The following TCF20 variants were observed in gnomAD, a reference collection of about 807,000 sequenced individuals.
TCF20 encodes SPRE-binding protein.
Under a neutral mutation model 148.6 loss-of-function variants are expected in TCF20, and 3 were observed. The observed-to-expected ratio is 0.02, with a 90% confidence interval of 0.01 to 0.05. The LOEUF (loss-of-function observed/expected upper bound fraction) is 0.05, where lower values mean the gene tolerates loss of function less well. Among genes scored for constraint, TCF20 ranks in the 10% least tolerant of loss-of-function variants. The pLI, the probability that TCF20 is intolerant of heterozygous loss-of-function variation, is 1.00. For missense variants in TCF20, 2,350 were observed against 2,429.3 expected, an observed-to-expected ratio of 0.97 and a Z score of 0.69; for synonymous variants, 1,049 against 909.5, an observed-to-expected ratio of 1.15 and a Z score of -2.76.
rs374678891 is a variant in TCF20, at chr22:42,241,813, GA to G, written c.-36-26473del. Among the ~76,000 whole-genome samples the G allele has an allele frequency of 2.6e-3, 400 of 152,140 alleles. 2 individuals are homozygous for G. The highest frequency in any genetic ancestry group is 9.1e-3 in the African/African-American group (376 of 41,494). On this transcript the variant is annotated intron_variant, in intron 1 of 5. Transcript: ENST00000677622. ...CACTGCACTGCACCCCAGCCTGGGC[GA>G]AAGAGTGAGACTCTTGTCTCAAAAA...
At chr22:42,224,880 C>A (rs888676082) in intron 1 of TCF20, among the ~76,000 whole-genome samples, 5 of 151,984 alleles carry the variant, frequency 3.3e-5, no homozygotes, top group Non-Finnish European at 7.4e-5. Context: ...TAGTCCCAGG[C>A]CAAAGGGAAT....
intron 2 of TCF20, among the ~76,000 whole-genome samples, chr22:42,191,900 G>C (rs1193206584): frequency 6.6e-6 from 1 of 152,224 alleles, no homozygotes; most frequent in East Asian, 1.9e-4. Flanking sequence ...GATGAAGAAA[G>C]AGAAGAGCTT....
chr22:42,201,560 G>C (rs928986614), intron 2 of TCF20, among the ~76,000 whole-genome samples: 5 of 152,146 alleles, frequency 3.3e-5, no homozygotes, highest in African/African-American at 1.2e-4. Flanking sequence ...TTGAGGTCAG[G>C]AGTTCGAGAT....
chr22:42,212,828 G>A lies in TCF20; in HGVS notation c.2478C>T (p.Ser826=). The A allele has an allele frequency of 6.2e-7, 1 of 1,614,210 alleles. No individual in the cohort carries two copies. The highest frequency in any genetic ancestry group is 8.5e-7 in the Non-Finnish European group (1 of 1,180,034). The change falls in exon 2 of 6, where the codon AGC becomes AGT. Residue 826 remains serine (S), a synonymous_variant. Transcript: ENST00000677622. ...TGATCTGTTTCATTTCAGGAGCTGTGCTGCTTGATTTCCTTTCCCAGGGGC... is the reference window on the plus strand; with the variant it reads ...TGATCTGTTTCATTTCAGGAGCTGTACTGCTTGATTTCCTTTCCCAGGGGC... ...HWGPWERKSS[S]TAPEMKQINL...
chr22:42,258,522 G>C (rs1198207249), intron 1 of TCF20, among the ~76,000 whole-genome samples: 1 of 152,152 alleles, frequency 6.6e-6, no homozygotes, highest in Non-Finnish European at 1.5e-5. Context: ...CTCCTCATCA[G>C]AATTTACGCA....
At chr22:42,254,766 A>G (rs765365898) in intron 1 of TCF20, among the ~76,000 whole-genome samples, 10 of 152,142 alleles carry the variant, frequency 6.6e-5, no homozygotes, top group Non-Finnish European at 1.5e-4. Flanking sequence ...GCAGATCGAG[A>G]ATATCTTCAC....
chr22:42,318,369 A>G (rs1480053109), intron 1 of TCF20, among the ~76,000 whole-genome samples: 1 of 152,204 alleles, frequency 6.6e-6, no homozygotes, highest in Non-Finnish European at 1.5e-5. Context: ...ACAGGGAACA[A>G]TTGGCTAAAA....
At chr22:42,250,438 C>A (rs1925267069) in intron 1 of TCF20, among the ~76,000 whole-genome samples, 1 of 111,736 alleles carries the variant, frequency 8.9e-6, no homozygotes, top group South Asian at 3.4e-4. Flanking sequence ...AACAGTGAAA[C>A]TCCATCTCAA....
chr22:42,242,944 G>T lies in TCF20; in HGVS notation c.-37+27395C>A, dbSNP rs570267968. ...ATGATTATTGCTAAGTGAAAGACAT[G>T]AATCTGAAGTGGCTACATGACTTTA... On this transcript the variant is annotated intron_variant, in intron 1 of 5. Coordinates refer to ENST00000677622, the MANE Select transcript of TCF20 (RefSeq NM_001378418.1). Among the ~76,000 whole-genome samples the T allele has an allele frequency of 3.3e-5, 5 of 152,064 alleles. No homozygotes were observed. The South Asian group carries it at 1.0e-3, about 32-fold the overall frequency.
At chr22:42,221,864 A>G (rs981145322) in intron 1 of TCF20, among the ~76,000 whole-genome samples, 3 of 148,574 alleles carry the variant, frequency 2.0e-5, no homozygotes, top group African/African-American at 5.0e-5. Flanking sequence ...TCAGCCTCCC[A>G]AGTAGCTGGG....
chr22:42,337,212 T>G (rs978668168), intron 1 of TCF20, among the ~76,000 whole-genome samples: 1 of 152,016 alleles, frequency 6.6e-6, no homozygotes. Flanking sequence ...CTGTCACTGA[T>G]TCCCAAACCC....
intron 1 of TCF20, among the ~76,000 whole-genome samples, chr22:42,250,898 A>G (rs1394644351): frequency 6.6e-6 from 1 of 152,244 alleles, no homozygotes; most frequent in Non-Finnish European, 1.5e-5. Flanking sequence ...GGCACATCAC[A>G]TGATGAGGAC....
intron 1 of TCF20, among the ~76,000 whole-genome samples, chr22:42,234,437 T>A (rs1923697520): frequency 6.6e-6 from 1 of 152,174 alleles, no homozygotes; most frequent in African/African-American, 2.4e-5. Context: ...TCCATATGGC[T>A]GGGGATGCAG....
Position 42,213,871 on chromosome 22 carries a change from G to C in TCF20, c.1435C>G (p.Leu479Val). The C allele has an allele frequency of 6.2e-7, 1 of 1,614,164 alleles. No individual in the cohort carries two copies. The highest frequency in any genetic ancestry group is 2.2e-5 in the East Asian group (1 of 44,888). The change falls in exon 2 of 6, where the codon CTG (leucine) becomes GTG (valine). Residue 479 changes from leucine to valine, a missense_variant. Leu to Val is a conservative substitution (Grantham distance 32). Coordinates refer to ENST00000677622, the MANE Select transcript of TCF20 (RefSeq NM_001378418.1). ...TVQHMLLSDA[L>V]TPQKKTSKRP... ...TTGGAGGTCTTCTTCTGAGGAGTCA[G>C]GGCATCAGAAAGTAACATGTGCTGG...
chr22:42,176,606 T>C (rs935524184), intron 3 of TCF20, among the ~76,000 whole-genome samples: 2 of 152,194 alleles, frequency 1.3e-5, no homozygotes, highest in African/African-American at 2.4e-5. Context: ...ACAAGCACCA[T>C]GCTACTTGCT....
chr22:42,165,848 G>A (rs919851677), intron 5 of TCF20, among the ~76,000 whole-genome samples: 1 of 152,242 alleles, frequency 6.6e-6, no homozygotes, highest in Non-Finnish European at 1.5e-5. Context: ...GAAGTACAGA[G>A]ACATGGAGTA....
intron 5 of TCF20, among the ~76,000 whole-genome samples, chr22:42,165,575 C>A (rs563714480): frequency 6.6e-6 from 1 of 152,216 alleles, no homozygotes; most frequent in African/African-American, 2.4e-5. Flanking sequence ...GCACTCCTGG[C>A]GAGGGTCAGG....
chr22:42,250,387 AGTGAG>A, intron 1 of TCF20, among the ~76,000 whole-genome samples: 1 of 148,220 alleles, frequency 6.7e-6, no homozygotes, highest in Admixed American at 6.8e-5. Flanking sequence ...CAAAGGTTGC[AGTGAG>A]CCGAGACCAC....
intron 2 of TCF20, among the ~76,000 whole-genome samples, chr22:42,207,114 A>C (rs1179818162): frequency 6.6e-6 from 1 of 152,180 alleles, no homozygotes; most frequent in Non-Finnish European, 1.5e-5. Flanking sequence ...ATGGGGCTGA[A>C]AAATAGAGCA....
Sources: gnomAD v4.1 joint callset for allele counts (sites outside exome capture counted in the v4.1 genomes callset) on GRCh38, gnomAD v4.1.1 for gene constraint, MANE v1.5 for transcripts, NCBI Gene and HGNC (gene_info 2026-07-23, HGNC 2026-07-21) for gene names.